LAMA1: variants seen among roughly 807,000 people sequenced by gnomAD.
LAMA1 encodes laminin subunit alpha 1.
In LAMA1, 219 loss-of-function variants were observed where a neutral mutation model predicts 348.7. The ratio of observed to expected loss-of-function variants is 0.63; its 90% CI spans 0.56 to 0.70. LAMA1 has a LOEUF of 0.70. Among genes scored for constraint, LAMA1 ranks in the 30% least tolerant of loss-of-function variants. The probability of loss-of-function intolerance (pLI) is 0.00; values close to 1 mark genes in which losing one functional copy is unlikely to be tolerated. For missense variants in LAMA1, 3,744 were observed against 3,888.0 expected (o/e 0.96, Z 0.99); for synonymous variants, 1,487 against 1,491.0 (o/e 1.00, Z 0.06).
intron 22 of LAMA1, among the ~76,000 whole-genome samples, chr18:7,014,792 G>A (rs1053183352): frequency 6.6e-6 from 1 of 152,080 alleles, no homozygotes; most frequent in Non-Finnish European, 1.5e-5. Flanking sequence ...TTGGAAGATA[G>A]TATACATTGC....
chr18:7,007,355 G>A (rs1299261327), intron 28 of LAMA1, 79 bp from the exon 29 acceptor site: 1 of 1,434,672 alleles, frequency 7.0e-7, no homozygotes, highest in Non-Finnish European at 9.4e-7. Context: ...TTCTCCAAAG[G>A]AGACATACAA....
intron 36 of LAMA1, among the ~76,000 whole-genome samples, chr18:6,990,564 A>T (rs1227235258): frequency 2.6e-5 from 4 of 152,196 alleles, no homozygotes; most frequent in Non-Finnish European, 4.4e-5. Flanking sequence ...CTCAGTGTGC[A>T]GTCGGGGCTG....
In LAMA1 at chr18:6,964,691, C is replaced by T. The variant is rs1311619160; in HGVS notation, c.7308G>A (p.Val2436=). 2 of 1,614,178 alleles carry T rather than the reference C, an allele frequency of 1.2e-6. No individual in the cohort carries two copies. The highest frequency in any genetic ancestry group is 1.7e-6 in the Non-Finnish European group (2 of 1,180,034). The change falls in exon 51 of 63, where the codon GTG becomes GTA. Residue 2436 remains valine, a synonymous_variant. Transcript: ENST00000389658. ...CAACTCTTGACCTTGGTAATCCACC[C>T]ACATAAATCGGGTCCTTGTCTAGGC... is the stretch of plus-strand genomic sequence containing the variant. ...LNRLDKDPIY[V]GGLPRSRVVR... is the part of the protein sequence containing the mutation.
chr18:7,027,668 C>T (rs574245608), intron 16 of LAMA1, among the ~76,000 whole-genome samples: 9 of 152,140 alleles, frequency 5.9e-5, no homozygotes, highest in Non-Finnish European at 1.0e-4. Context: ...ATAGGCCAGG[C>T]GCGGTGGTTC....
At chr18:6,985,213 G>A in intron 39 of LAMA1, 24 bp downstream of exon 39, 1 of 1,613,840 alleles carries the variant, frequency 6.2e-7, no homozygotes, top group Non-Finnish European at 8.5e-7. Context: ...AAGCTCTTGA[G>A]TTCCCACAAA....
At chr18:6,950,703 C>T in intron 58 of LAMA1, 79 bp downstream of exon 58, 5 of 1,505,430 alleles carry the variant, frequency 3.3e-6, no homozygotes, top group Non-Finnish European at 4.6e-6. Flanking sequence ...GATAATGTGC[C>T]TTTGAGAAAT....
chr18:6,992,557 T>A lies in LAMA1; in HGVS notation c.5168+4A>T, dbSNP rs772727751. 6.2e-7 allele frequency: 1 copy of A among 1,614,110 alleles called. No individual in the cohort carries two copies. Among genetic ancestry groups the A allele is most frequent in the South Asian group, 1.1e-5 (1 of 91,084 alleles). On this transcript the variant is annotated splice_donor_region_variant and intron_variant, in intron 36 of 62. Coordinates refer to ENST00000389658, the MANE Select transcript of LAMA1 (RefSeq NM_005559.4). ...TGCATTGCACACAGTAATTAGAAACTTACTTGAGTTCAAGGGTGGCATTTT... is the reference window on the plus strand; with the variant it reads ...TGCATTGCACACAGTAATTAGAAACATACTTGAGTTCAAGGGTGGCATTTT...
intron 14 of LAMA1, 133 bp downstream of exon 14, chr18:7,034,346 G>A (rs2057984517): frequency 1.4e-6 from 1 of 723,094 alleles, no homozygotes; most frequent in African/African-American, 1.8e-5. Flanking sequence ...TAATTCTTAA[G>A]ACAGCCAGAT....
rs533176203 is a variant in LAMA1, at chr18:6,959,446, A to G, written c.7673T>C (p.Val2558Ala). The G allele has an allele frequency of 1.9e-6, 3 of 1,614,204 alleles. No individual in the cohort carries two copies. The highest frequency in any genetic ancestry group is 2.7e-5 in the African/African-American group (2 of 75,066). The change falls in exon 54 of 63, where the codon GTC becomes GCC. Residue 2558 changes from valine to alanine, a missense_variant. Val to Ala is a moderately conservative substitution (Grantham distance 64, BLOSUM62 0). Transcript: ENST00000389658. Reference sequence around the variant, plus strand: ...CAGGCCTGTCCCATCCCCAGGATTGACATGTACCTCAATGTTGCCTCCGAT... The same window carrying G: ...CAGGCCTGTCCCATCCCCAGGATTGGCATGTACCTCAATGTTGCCTCCGAT... ...MLIGGNIEVH[V>A]NPGDGTGLRK... is the part of the protein sequence containing the mutation.
intron 19 of LAMA1, among the ~76,000 whole-genome samples, chr18:7,022,403 T>C: frequency 6.6e-6 from 1 of 152,202 alleles, no homozygotes; most frequent in Non-Finnish European, 1.5e-5. Context: ...GAGATCAGCT[T>C]GATTGGCCCA....
chr18:6,992,137 C>T (rs1040800164), intron 36 of LAMA1, among the ~76,000 whole-genome samples: 5 of 152,152 alleles, frequency 3.3e-5, no homozygotes, highest in African/African-American at 9.7e-5. Flanking sequence ...TGTAACTATA[C>T]TTTTTTATAT....
At chr18:6,957,526 A>C (rs1192422651) in intron 55 of LAMA1, 1 of 152,318 alleles carries the variant, frequency 6.6e-6, no homozygotes, top group East Asian at 1.9e-4. Context: ...CACTGTGACC[A>C]TGAAAGATCC....
intron 8 of LAMA1, chr18:7,042,641 C>G (rs28476173): frequency 0.023 from 5,859 of 257,530 alleles, 302 homozygotes; most frequent in African/African-American, 0.11. Flanking sequence ...TCCCAGCACT[C>G]TGGGAGGCCA....
At chr18:6,991,388 T>TC (rs2057757844) in intron 36 of LAMA1, among the ~76,000 whole-genome samples, 2 of 135,056 alleles carry the variant, frequency 1.5e-5, no homozygotes, top group African/African-American at 2.9e-5. Context: ...CACTTCTTCT[T>TC]CTTTTTTTTT....
At chr18:7,092,487 G>T (rs1308422164) in intron 1 of LAMA1, among the ~76,000 whole-genome samples, 1 of 152,152 alleles carries the variant, frequency 6.6e-6, no homozygotes, top group East Asian at 1.9e-4. Context: ...TTAGCCGGGC[G>T]TGGTGGCACG....
Position 7,014,063 on chromosome 18 carries a change from G to A in LAMA1, c.3127-12C>T. 4 of 1,603,876 alleles carry A rather than the reference G, an allele frequency of 2.5e-6. No individual in the cohort carries two copies. The highest frequency in any genetic ancestry group is 3.4e-6 in the Non-Finnish European group (4 of 1,171,098). On this transcript the variant is annotated splice_polypyrimidine_tract_variant and intron_variant, in intron 22 of 62. Coordinates refer to ENST00000389658, the MANE Select transcript of LAMA1 (RefSeq NM_005559.4). ...CTGCAATTGCAGGCCTGAGAGAAGG[G>A]AAAACCAACTCAATTAAAAAGGCAG...
chr18:7,025,959 T>A lies in LAMA1; in HGVS notation c.2402+20A>T, dbSNP rs770946573. On this transcript the variant is annotated intron_variant, in intron 17 of 62. Coordinates refer to ENST00000389658, the MANE Select transcript of LAMA1 (RefSeq NM_005559.4). ...TCCTGGCCATGCTGGCAGGAACCGC[T>A]GATGAGGTCCGAGGCTTACTTGTTG... is the stretch of plus-strand genomic sequence containing the variant. The A allele has an allele frequency of 1.2e-5, 19 of 1,599,478 alleles. No individual in the cohort carries two copies. The highest frequency in any genetic ancestry group is 1.4e-5 in the Non-Finnish European group (17 of 1,173,378).
At chr18:6,945,106 G>A (rs916556925) in intron 61 of LAMA1, among the ~76,000 whole-genome samples, 1 of 151,904 alleles carries the variant, frequency 6.6e-6, no homozygotes, top group African/African-American at 2.4e-5. Flanking sequence ...TGTTGCCCTG[G>A]CTGGTCTCAA....
At position 7,028,923 on chromosome 18, in the gene LAMA1, G is replaced by A. The variant is rs114577661; in HGVS notation, c.2275-2817C>T. On this transcript the variant is annotated intron_variant, in intron 16 of 62. Coordinates refer to ENST00000389658, the MANE Select transcript of LAMA1 (RefSeq NM_005559.4). Reference sequence around the variant, plus strand: ...TGTGCACCTCAGCTCCCATTTCCCCGTGTCCCCTTCTCCTACGGCCACTCA... The same window carrying A: ...TGTGCACCTCAGCTCCCATTTCCCCATGTCCCCTTCTCCTACGGCCACTCA... Among the ~76,000 whole-genome samples the A allele has an allele frequency of 8.3e-3, 1,260 of 152,270 alleles. 15 individuals are homozygous for A. Among genetic ancestry groups the A allele is most frequent in the African/African-American group, 0.027 (1,126 of 41,558 alleles).
Sources: gnomAD v4.1 joint callset for allele counts (sites outside exome capture counted in the v4.1 genomes callset) on GRCh38, gnomAD v4.1.1 for gene constraint, MANE v1.5 for transcripts, NCBI Gene and HGNC (gene_info 2026-07-23, HGNC 2026-07-21) for gene names.